The following GRIP1 variants were observed in gnomAD, a reference collection of about 807,000 sequenced individuals.
The protein encoded by GRIP1 is glutamate receptor-interacting protein 1.
GRIP1 carries 45 observed loss-of-function variants against 129.9 expected under a neutral mutation model. The observed-to-expected ratio is 0.35, with a 90% CI of 0.27 to 0.44. GRIP1 has a LOEUF of 0.44. Ranked by LOEUF, GRIP1 falls within the 20% of genes least tolerant of loss-of-function variation. The pLI, the probability that GRIP1 is intolerant of heterozygous loss-of-function variation, is 1.00. For missense variants in GRIP1, 1,196 were observed against 1,396.8 expected (o/e 0.86, Z 2.29); for synonymous variants, 530 against 520.8 (o/e 1.02, Z -0.24).
At chr12:66,376,728 T>C (rs1287312389) in intron 22 of GRIP1, among the ~76,000 whole-genome samples, 1 of 152,270 alleles carries the variant, frequency 6.6e-6, no homozygotes, top group East Asian at 1.9e-4. Context: ...CATTAATTTC[T>C]ATTCCAGGTA....
chr12:66,955,330 C>CTTTAAAAGAGA (rs2041822504), intron 1 of GRIP1, among the ~76,000 whole-genome samples: 1 of 152,038 alleles, frequency 6.6e-6, no homozygotes, highest in East Asian at 1.9e-4. Flanking sequence ...CGGAGAACCA[C>CTTTAAAAGAGA]TGATTTAAAA....
At chr12:67,043,939 G>A (rs1006425942) in intron 1 of GRIP1, among the ~76,000 whole-genome samples, 4 of 151,956 alleles carry the variant, frequency 2.6e-5, no homozygotes, top group Non-Finnish European at 5.9e-5. Flanking sequence ...AAGCTATTTG[G>A]AGGAAATCCA....
chr12:66,382,672 CA>C (rs2056168360), intron 19 of GRIP1, among the ~76,000 whole-genome samples: 1 of 152,184 alleles, frequency 6.6e-6, no homozygotes, highest in Non-Finnish European at 1.5e-5. Context: ...AGGTAAGTCT[CA>C]GCATCATTAA....
At chr12:66,818,581 C>G (rs2039265493) in intron 1 of GRIP1, among the ~76,000 whole-genome samples, 1 of 152,128 alleles carries the variant, frequency 6.6e-6, no homozygotes, top group African/African-American at 2.4e-5. Context: ...TTTTTGGATA[C>G]AGTCATAGTA....
chr12:66,626,195 C>T (rs749091355), intron 1 of GRIP1, among the ~76,000 whole-genome samples: 3 of 151,988 alleles, frequency 2.0e-5, no homozygotes, highest in African/African-American at 4.8e-5. Flanking sequence ...AAACAATTGG[C>T]TAGCTATAGT....
intron 2 of GRIP1, among the ~76,000 whole-genome samples, chr12:66,558,770 C>T (rs1006643457): frequency 1.3e-5 from 2 of 148,816 alleles, no homozygotes; most frequent in Non-Finnish European, 3.0e-5. Flanking sequence ...AGAACTAATG[C>T]CAATCCTGCT....
At chr12:66,716,370 G>T (rs1248976995) in intron 1 of GRIP1, among the ~76,000 whole-genome samples, 1 of 151,968 alleles carries the variant, frequency 6.6e-6, no homozygotes, top group Admixed American at 6.6e-5. Flanking sequence ...AAATGTCCAG[G>T]CCCCACTGCA....
chr12:66,553,499 G>C (rs890342968), intron 2 of GRIP1, among the ~76,000 whole-genome samples: 3 of 151,926 alleles, frequency 2.0e-5, no homozygotes, highest in African/African-American at 7.3e-5. Context: ...TTGGGAGGCA[G>C]AGCAAGATGG....
chr12:67,068,812 C>T (rs2043678032), intron 1 of GRIP1, among the ~76,000 whole-genome samples: 1 of 148,194 alleles, frequency 6.7e-6, no homozygotes, highest in African/African-American at 2.5e-5. Context: ...CGAAAAGTTC[C>T]CTGCTGCAGC....
At chr12:66,890,618 G>C (rs1418377762) in intron 1 of GRIP1, among the ~76,000 whole-genome samples, 1 of 151,956 alleles carries the variant, frequency 6.6e-6, no homozygotes, top group Non-Finnish European at 1.5e-5. Context: ...TCTCTGCTCA[G>C]TATCAAATAG....
chr12:67,042,766 A>G (rs958859877), intron 1 of GRIP1, among the ~76,000 whole-genome samples: 3 of 152,180 alleles, frequency 2.0e-5, no homozygotes, highest in African/African-American at 4.8e-5. Flanking sequence ...GACAGCTCTG[A>G]TGGATGGGTG....
chr12:66,866,359 C>A (rs11176465), intron 1 of GRIP1, among the ~76,000 whole-genome samples: 10,712 of 152,074 alleles, frequency 0.07, 1,246 homozygotes, highest in African/African-American at 0.24. Context: ...TGTAGTCCCA[C>A]TTACTTGGGA....
At chr12:66,710,497 A>C (rs2035678640) in intron 1 of GRIP1, among the ~76,000 whole-genome samples, 1 of 151,902 alleles carries the variant, frequency 6.6e-6, no homozygotes, top group South Asian at 2.1e-4. Context: ...AAAATATTTG[A>C]ATCTGGTATT....
At chr12:66,669,822 CATAG>C (rs1343027063) in intron 1 of GRIP1, among the ~76,000 whole-genome samples, 3 of 152,126 alleles carry the variant, frequency 2.0e-5, no homozygotes, top group Non-Finnish European at 4.4e-5. Context: ...AGCTCTCCCA[CATAG>C]ATAGAGTAGA....
chr12:66,394,633 C>G (rs994395155), intron 16 of GRIP1, among the ~76,000 whole-genome samples: 1 of 152,260 alleles, frequency 6.6e-6, no homozygotes, highest in Admixed American at 6.5e-5. Flanking sequence ...CAACTGTGTC[C>G]ATGTCTAGGA....
At chr12:66,608,902 A>G (rs1032344576) in intron 1 of GRIP1, among the ~76,000 whole-genome samples, 3 of 151,336 alleles carry the variant, frequency 2.0e-5, no homozygotes, top group African/African-American at 7.3e-5. Context: ...ATAGACAAGG[A>G]CCAGTAGGAA....
intron 1 of GRIP1, among the ~76,000 whole-genome samples, chr12:67,050,331 C>T (rs1191156954): frequency 6.6e-6 from 1 of 151,844 alleles, no homozygotes; most frequent in Non-Finnish European, 1.5e-5. Flanking sequence ...TGTCTTAGGC[C>T]TGAAATGAAG....
intron 1 of GRIP1, among the ~76,000 whole-genome samples, chr12:67,067,063 T>A (rs150117065): frequency 0.011 from 1,600 of 151,812 alleles, 18 homozygotes; most frequent in Middle Eastern, 0.044. Context: ...TAGAAAAGCA[T>A]CTCTTAATTA....
chr12:66,771,331 A>T (rs2037811042), intron 1 of GRIP1, among the ~76,000 whole-genome samples: 1 of 152,186 alleles, frequency 6.6e-6, no homozygotes, highest in Non-Finnish European at 1.5e-5. Flanking sequence ...TAGTAATACA[A>T]TGCACCATTA....
Sources: gnomAD v4.1 joint callset for allele counts (sites outside exome capture counted in the v4.1 genomes callset) on GRCh38, gnomAD v4.1.1 for gene constraint, MANE v1.5 for transcripts, NCBI Gene and HGNC (gene_info 2026-07-23, HGNC 2026-07-21) for gene names.